Variants in PDE8B observed in about 807,000 individuals in gnomAD.
PDE8B encodes high affinity cAMP-specific and IBMX-insensitive 3',5'-cyclic phosphodiesterase 8B.
In PDE8B, 26 loss-of-function variants were observed where a neutral mutation model predicts 101.3. The observed-to-expected ratio is 0.26, with a 90% CI of 0.19 to 0.36. The LOEUF is 0.36. Among genes scored for constraint, PDE8B ranks in the 10% least tolerant of loss-of-function variants. The pLI, the probability that PDE8B is intolerant of heterozygous loss-of-function variation, is 1.00. For synonymous variants in PDE8B, 424 were observed against 429.3 expected (o/e 0.99, Z 0.15); for missense variants, 810 against 1,163.1 (o/e 0.70, Z 4.42).
At chr5:77,228,334 C>T (rs73135259) in intron 1 of PDE8B, among the ~76,000 whole-genome samples, 2 of 151,984 alleles carry the variant, frequency 1.3e-5, no homozygotes, top group East Asian at 1.9e-4. Context: ...GGCATGAGTA[C>T]GAATAGGTGG....
the PDE8B span, among the ~76,000 whole-genome samples, chr5:77,176,570 C>G: frequency 6.6e-6 from 1 of 152,208 alleles, no homozygotes; most frequent in Non-Finnish European, 1.5e-5. Context: ...TGACTACTAC[C>G]TACTCGCCCA....
At chr5:77,196,521 T>C in the PDE8B span, among the ~76,000 whole-genome samples, 1 of 152,322 alleles carries the variant, frequency 6.6e-6, no homozygotes, top group African/African-American at 2.4e-5. Flanking sequence ...TAACTTTGTG[T>C]TTTTGGGATA....
At chr5:77,330,569 T>C (rs1475830661) in intron 4 of PDE8B, among the ~76,000 whole-genome samples, 1 of 152,204 alleles carries the variant, frequency 6.6e-6, no homozygotes, top group Non-Finnish European at 1.5e-5. Flanking sequence ...GTAAAATAGC[T>C]TTTCCCTTAG....
chr5:77,393,533 T>TA (rs926118537), intron 10 of PDE8B, among the ~76,000 whole-genome samples: 5 of 152,038 alleles, frequency 3.3e-5, no homozygotes, highest in Middle Eastern at 3.2e-3. Flanking sequence ...AAATAAAAAA[T>TA]AAAAAAATTA....
chr5:77,371,210 G>A (rs1785032906), intron 10 of PDE8B, among the ~76,000 whole-genome samples: 1 of 152,132 alleles, frequency 6.6e-6, no homozygotes, highest in Admixed American at 6.5e-5. Flanking sequence ...CTCAAGTCAG[G>A]AAGATATTTT....
At chr5:77,143,373 A>C in the PDE8B span, among the ~76,000 whole-genome samples, 7,259 of 152,320 alleles carry the variant, frequency 0.048, 229 homozygotes, top group South Asian at 0.086. Flanking sequence ...TGATCTACAA[A>C]GAAAGTTTTG....
the PDE8B span, among the ~76,000 whole-genome samples, chr5:77,184,825 A>T: frequency 6.6e-6 from 1 of 152,074 alleles, no homozygotes; most frequent in East Asian, 1.9e-4. Flanking sequence ...AATTTTTCAA[A>T]ATAAAAATAA....
chr5:77,353,352 T>A lies in PDE8B; in HGVS notation c.1113T>A (p.Ile371=). The change falls in exon 10 of 22, where the codon ATT becomes ATA. Residue 371 remains isoleucine, a synonymous_variant. Transcript: ENST00000264917. ...ITPVIGQGGK[I]RHFVSLKKLC... ...ACTGATTATTTGTTATTAGGAAAAT[T>A]AGGCATTTTGTCTCGCTCAAGAAAC... is the stretch of plus-strand genomic sequence containing the variant. 6.4e-7 allele frequency: 1 copy of A among 1,562,388 alleles called. No homozygotes were observed. Among genetic ancestry groups the A allele is most frequent in the Non-Finnish European group, 8.8e-7 (1 of 1,132,806 alleles).
chr5:77,171,608 G>A, the PDE8B span, among the ~76,000 whole-genome samples: 1 of 152,198 alleles, frequency 6.6e-6, no homozygotes, highest in Non-Finnish European at 1.5e-5. Context: ...GAGGTTGCAA[G>A]AGATGGGTTT....
intron 10 of PDE8B, among the ~76,000 whole-genome samples, chr5:77,391,156 G>A (rs1230388401): frequency 1.3e-5 from 2 of 152,230 alleles, no homozygotes; most frequent in Admixed American, 1.3e-4. Context: ...TGACTGGTAA[G>A]TGTAGGGTCC....
chr5:77,128,174 C>T, the PDE8B span, among the ~76,000 whole-genome samples: 1 of 152,180 alleles, frequency 6.6e-6, no homozygotes, highest in Non-Finnish European at 1.5e-5. Flanking sequence ...GACCCAGAGC[C>T]TCTCCCTTCC....
intron 1 of PDE8B, among the ~76,000 whole-genome samples, chr5:77,309,986 G>C (rs1294224792): frequency 3.4e-5 from 3 of 87,652 alleles, no homozygotes; most frequent in African/African-American, 1.4e-4. Context: ...TTTTGCTCTT[G>C]TTGCCCAGGC....
the PDE8B span, among the ~76,000 whole-genome samples, chr5:77,168,498 C>A: frequency 6.6e-6 from 1 of 152,232 alleles, no homozygotes; most frequent in Non-Finnish European, 1.5e-5. Context: ...CCTGGTGGGA[C>A]CCCACTCCTC....
intron 2 of PDE8B, among the ~76,000 whole-genome samples, chr5:77,321,483 A>C (rs1775063191): frequency 6.6e-6 from 1 of 152,200 alleles, no homozygotes; most frequent in South Asian, 2.1e-4. Context: ...CACAGGTCCC[A>C]GTTCCTAGCC....
At chr5:77,351,304 C>T in intron 9 of PDE8B, 151 bp downstream of exon 9, 1 of 701,876 alleles carries the variant, frequency 1.4e-6, no homozygotes, top group Non-Finnish European at 2.6e-6. Flanking sequence ...TTCCACTCAG[C>T]CGGCAGCAAC....
chr5:77,365,853 G>A (rs141184046), intron 10 of PDE8B, among the ~76,000 whole-genome samples: 36 of 152,310 alleles, frequency 2.4e-4, no homozygotes, highest in Admixed American at 9.2e-4. Context: ...TGGTGCACAG[G>A]AGGTGCTTCC....
the PDE8B span, chr5:77,145,699 T>C: frequency 6.6e-6 from 1 of 152,228 alleles, no homozygotes; most frequent in Non-Finnish European, 1.5e-5. Context: ...GGAAATTTAC[T>C]GGAGACCCAC....
intron 1 of PDE8B, among the ~76,000 whole-genome samples, chr5:77,310,669 G>T (rs1772395462): frequency 6.6e-6 from 1 of 152,164 alleles, no homozygotes; most frequent in Non-Finnish European, 1.5e-5. Flanking sequence ...AGCAGAACAG[G>T]CATCCTTGCC....
chr5:77,201,515 TC>T, the PDE8B span, among the ~76,000 whole-genome samples: 1 of 152,160 alleles, frequency 6.6e-6, no homozygotes, highest in Non-Finnish European at 1.5e-5. Context: ...CTTTCTGGTT[TC>T]TAGACTCAAG....
Sources: allele counts gnomAD v4.1 joint callset (sites outside exome capture counted in the v4.1 genomes callset), GRCh38; gene constraint gnomAD v4.1.1; transcripts MANE v1.5; gene names NCBI Gene and HGNC (gene_info 2026-07-23, HGNC 2026-07-21).